The following GRID2 variants were observed in gnomAD, a reference collection of about 807,000 sequenced individuals.
GRID2 encodes glutamate ionotropic receptor delta type subunit 2, also known as glutamate receptor ionotropic, delta-2.
In GRID2, 33 loss-of-function variants were observed where a neutral mutation model predicts 114.8. The observed-to-expected ratio is 0.29, with a 90% CI of 0.22 to 0.38. The LOEUF is 0.38. Among genes scored for constraint, GRID2 ranks in the 10% least tolerant of loss-of-function variants. The probability of loss-of-function intolerance (pLI) is 1.00; values close to 1 mark genes in which losing one functional copy is unlikely to be tolerated. For synonymous variants in GRID2, 505 were observed against 449.9 expected, an observed-to-expected ratio of 1.12 and a Z score of -1.55; for missense variants, 1,184 against 1,257.7, an observed-to-expected ratio of 0.94 and a Z score of 0.89.
chr4:93,365,505 C>G (rs1762254829), intron 8 of GRID2, among the ~76,000 whole-genome samples: 1 of 152,136 alleles, frequency 6.6e-6, no homozygotes, highest in South Asian at 2.1e-4. Context: ...CTTGTTTATA[C>G]TACTTATCAC....
chr4:93,621,994 G>A (rs1205960713), intron 13 of GRID2, among the ~76,000 whole-genome samples: 13 of 152,126 alleles, frequency 8.5e-5, no homozygotes, highest in African/African-American at 3.1e-4. Flanking sequence ...GCAATATGTC[G>A]CCTACTGGGG....
intron 14 of GRID2, among the ~76,000 whole-genome samples, chr4:93,635,155 A>T (rs968723434): frequency 5.3e-5 from 8 of 151,844 alleles, no homozygotes; most frequent in Admixed American, 2.0e-4. Flanking sequence ...CTCACAATAC[A>T]TCAGACTTTT....
chr4:92,442,065 A>G lies in GRID2; in HGVS notation c.88+137321A>G, dbSNP rs913640279. On this transcript the variant is annotated intron_variant, in intron 1 of 15. Transcript: ENST00000282020. ...CTGGCCGTCAATACCCACAACAGTT[A>G]TGGAGGCAAGGGAAACAGGCCCTTG... is the stretch of plus-strand genomic sequence containing the variant. Among the ~76,000 whole-genome samples the G allele has an allele frequency of 1.3e-4, 20 of 151,310 alleles. 1 individual carries two copies. The highest frequency in any genetic ancestry group is 1.3e-3 in the Admixed American group (20 of 15,178).
intron 2 of GRID2, among the ~76,000 whole-genome samples, chr4:92,881,701 C>G (rs867040270): frequency 5.3e-5 from 8 of 152,106 alleles, no homozygotes; most frequent in Middle Eastern, 6.8e-3. Flanking sequence ...GAAAACATTA[C>G]TTTTTAGGTA....
At chr4:92,440,958 G>T (rs1021670461) in intron 1 of GRID2, among the ~76,000 whole-genome samples, 33 of 152,120 alleles carry the variant, frequency 2.2e-4, no homozygotes, top group African/African-American at 7.2e-4. Flanking sequence ...GAAGAAAATA[G>T]ATTTTGGAAG....
At chr4:93,006,205 A>G (rs561686604) in intron 2 of GRID2, among the ~76,000 whole-genome samples, 1 of 152,200 alleles carries the variant, frequency 6.6e-6, no homozygotes, top group East Asian at 1.9e-4. Context: ...ATTCAATACA[A>G]CAAATTTAAA....
chr4:92,560,151 G>A (rs1055194709), intron 1 of GRID2, among the ~76,000 whole-genome samples: 3 of 152,132 alleles, frequency 2.0e-5, no homozygotes, highest in African/African-American at 7.2e-5. Flanking sequence ...TCTTGAGGAA[G>A]GATAAATGTG....
intron 1 of GRID2, among the ~76,000 whole-genome samples, chr4:92,356,780 A>AG (rs1728347151): frequency 6.6e-6 from 1 of 151,782 alleles, no homozygotes; most frequent in African/African-American, 2.4e-5. Context: ...CACTGAAAAA[A>AG]TCAATGCAAA....
intron 11 of GRID2, among the ~76,000 whole-genome samples, chr4:93,481,008 G>T (rs1430611210): frequency 6.6e-6 from 1 of 151,910 alleles, no homozygotes; most frequent in African/African-American, 2.4e-5. Flanking sequence ...ACCACCCCCT[G>T]CCCAAGTATC....
chr4:92,590,988 C>G (rs896617935), intron 2 of GRID2, among the ~76,000 whole-genome samples: 1 of 152,046 alleles, frequency 6.6e-6, no homozygotes, highest in East Asian at 1.9e-4. Context: ...AAACATTTAG[C>G]CTTGATCCAG....
chr4:92,995,374 A>C (rs1202788331), intron 2 of GRID2, among the ~76,000 whole-genome samples: 1 of 152,140 alleles, frequency 6.6e-6, no homozygotes, highest in Non-Finnish European at 1.5e-5. Context: ...ATTATATTGC[A>C]CATTGGCCAC....
intron 8 of GRID2, among the ~76,000 whole-genome samples, chr4:93,328,844 A>G (rs1054343783): frequency 2.6e-5 from 4 of 152,278 alleles, no homozygotes; most frequent in African/African-American, 7.2e-5. Context: ...TTTGAAAGGC[A>G]TGAATTCATC....
intron 2 of GRID2, among the ~76,000 whole-genome samples, chr4:92,892,894 A>AT: frequency 6.6e-6 from 1 of 152,232 alleles, no homozygotes; most frequent in Non-Finnish European, 1.5e-5. Context: ...ATTTACTAAC[A>AT]TTAAACTGTT....
At chr4:93,410,516 C>T (rs909317958) in intron 9 of GRID2, among the ~76,000 whole-genome samples, 3 of 152,188 alleles carry the variant, frequency 2.0e-5, no homozygotes, top group South Asian at 2.1e-4. Flanking sequence ...TGGCAATTTA[C>T]TCCCAGAAGC....
intron 13 of GRID2, among the ~76,000 whole-genome samples, chr4:93,515,988 T>G (rs1469655029): frequency 6.6e-6 from 1 of 152,188 alleles, no homozygotes; most frequent in Non-Finnish European, 1.5e-5. Context: ...TGTGAAAATC[T>G]TAAGGCTATT....
chr4:93,565,230 A>G (rs1735291756), intron 13 of GRID2, among the ~76,000 whole-genome samples: 2 of 152,152 alleles, frequency 1.3e-5, no homozygotes, highest in African/African-American at 4.8e-5. Context: ...ATAAAATATT[A>G]TGAAACTTAA....
At chr4:92,464,936 A>G (rs1311179259) in intron 1 of GRID2, among the ~76,000 whole-genome samples, 1 of 152,060 alleles carries the variant, frequency 6.6e-6, no homozygotes, top group African/African-American at 2.4e-5. Context: ...GTGACAGTGA[A>G]TAAGTTCTCA....
At chr4:93,184,244 A>T (rs2149439112) in intron 4 of GRID2, among the ~76,000 whole-genome samples, 1 of 152,236 alleles carries the variant, frequency 6.6e-6, no homozygotes, top group East Asian at 1.9e-4. Flanking sequence ...CAAATAAATG[A>T]TGTAGAATGG....
intron 14 of GRID2, among the ~76,000 whole-genome samples, chr4:93,673,204 C>T (rs1724578090): frequency 1.3e-5 from 2 of 152,130 alleles, no homozygotes; most frequent in African/African-American, 4.8e-5. Context: ...TAATTAGCTT[C>T]TTTATAAAAA....
Sources: gnomAD v4.1 joint callset for allele counts (sites outside exome capture counted in the v4.1 genomes callset) on GRCh38, gnomAD v4.1.1 for gene constraint, MANE v1.5 for transcripts, NCBI Gene and HGNC (gene_info 2026-07-23, HGNC 2026-07-21) for gene names.